Variants in LOXL2 observed in about 807,000 individuals in gnomAD.
The protein encoded by LOXL2 is lysyl oxidase homolog 2.
In LOXL2, 70 loss-of-function variants were observed where a neutral mutation model predicts 93.0. The ratio of observed to expected loss-of-function variants is 0.75; its 90% CI spans 0.62 to 0.92. LOXL2 has a LOEUF of 0.92. LOXL2 is among the 40% of genes least tolerant of loss of function. The pLI is 0.00. For synonymous variants in LOXL2, 438 were observed against 413.2 expected (o/e 1.06, Z -0.73); for missense variants, 973 against 1,054.9 (o/e 0.92, Z 1.08).
intron 3 of LOXL2, among the ~76,000 whole-genome samples, chr8:23,350,780 T>C (rs55884815): frequency 0.31 from 46,523 of 151,812 alleles, 9,315 homozygotes; most frequent in African/African-American, 0.57. Context: ...AAAAGCTTTG[T>C]AACACTGCTG....
chr8:23,311,891 GAGA>G (rs1476110646), intron 9 of LOXL2, among the ~76,000 whole-genome samples: 1 of 152,210 alleles, frequency 6.6e-6, no homozygotes, highest in Non-Finnish European at 1.5e-5. Context: ...GCTGCTTTGG[GAGA>G]AGTTGTGTTT....
At chr8:23,339,168 G>A (rs1803841374) in intron 4 of LOXL2, among the ~76,000 whole-genome samples, 1 of 152,142 alleles carries the variant, frequency 6.6e-6, no homozygotes, top group South Asian at 2.1e-4. Context: ...GAGTCCCAGA[G>A]ACGAACACAA....
intron 3 of LOXL2, among the ~76,000 whole-genome samples, chr8:23,344,529 T>G (rs1384631725): frequency 6.6e-6 from 1 of 152,058 alleles, no homozygotes; most frequent in Admixed American, 6.6e-5. Context: ...TGCATGTCCA[T>G]GTGTCATATG....
intron 2 of LOXL2, chr8:23,366,254 G>A (rs1206959854): frequency 6.6e-6 from 1 of 152,260 alleles, no homozygotes; most frequent in South Asian, 2.1e-4. Context: ...AGTATCGGAC[G>A]TTTGTTTAAA....
At chr8:23,378,468 C>T (rs1043901080) in intron 1 of LOXL2, among the ~76,000 whole-genome samples, 3 of 152,098 alleles carry the variant, frequency 2.0e-5, no homozygotes, top group Non-Finnish European at 2.9e-5. Flanking sequence ...CTGTATTTCC[C>T]GAATTTGAAC....
intron 1 of LOXL2, among the ~76,000 whole-genome samples, chr8:23,395,169 G>A (rs1234294512): frequency 2.6e-5 from 4 of 152,174 alleles, no homozygotes; most frequent in South Asian, 2.1e-4. Flanking sequence ...CAGGAGAATC[G>A]CTTGAACCTG....
intron 9 of LOXL2, among the ~76,000 whole-genome samples, chr8:23,311,100 T>G (rs968004554): frequency 1.8e-4 from 27 of 152,174 alleles, no homozygotes; most frequent in Non-Finnish European, 1.5e-5. Flanking sequence ...GCAGAGTCTG[T>G]GAGTTTTGCT....
chr8:23,377,511 A>G (rs9774252), intron 1 of LOXL2, among the ~76,000 whole-genome samples: 55,412 of 109,294 alleles, frequency 0.51, 16,326 homozygotes, highest in African/African-American at 0.69. Flanking sequence ...TTTCTGTCTC[A>G]CTGATCTGTC....
rs78622961 is a variant in LOXL2 at position 23,320,200 on chromosome 8, G to A, written c.1303-148C>T. The A allele has an allele frequency of 6.3e-3, 5,096 of 812,650 alleles. 137 individuals are homozygous for A. In the Admixed American group the frequency reaches 0.065, roughly 10 times the overall value. The allele number at this position is 812,650 out of a possible 1,614,324, so 50.3% of individuals were successfully genotyped here. ...TTCAGCAGCACCCTTGGGAGCCCCC[G>A]GTGGCAGCGCTGTGCCTAGCATGGT... On this transcript the variant is annotated intron_variant, in intron 7 of 13. Transcript: ENST00000389131.
intron 4 of LOXL2, among the ~76,000 whole-genome samples, chr8:23,340,210 T>C (rs1049884906): frequency 6.6e-6 from 1 of 152,198 alleles, no homozygotes; most frequent in African/African-American, 2.4e-5. Context: ...TATTTCCCAG[T>C]GGTGGTGCGA....
At chr8:23,317,487 C>T (rs899882381) in intron 8 of LOXL2, among the ~76,000 whole-genome samples, 3 of 152,166 alleles carry the variant, frequency 2.0e-5, no homozygotes, top group Non-Finnish European at 2.9e-5. Flanking sequence ...CCTCTAAGCC[C>T]GAATAGGATC....
At chr8:23,338,817 C>A (rs1357860483) in intron 4 of LOXL2, among the ~76,000 whole-genome samples, 1 of 152,210 alleles carries the variant, frequency 6.6e-6, no homozygotes, top group Non-Finnish European at 1.5e-5. Context: ...AACCCTCAGA[C>A]TGGCCAGAGC....
In LOXL2 at chr8:23,322,159, T is replaced by C; in HGVS notation, c.1273A>G (p.Asn425Asp). 1 of 1,614,178 alleles carries C rather than the reference T, an allele frequency of 6.2e-7. No individual in the cohort carries two copies. The highest frequency in any genetic ancestry group is 8.5e-7 in the Non-Finnish European group (1 of 1,180,020). ...NHEEDAGVRC[N>D]TPAMGLQKKL... ...TTCTGCAAGCCCATGGCAGGGGTGTTGCATCTCACACCAGCATCCTCCTCG... is the reference window on the plus strand; with the variant it reads ...TTCTGCAAGCCCATGGCAGGGGTGTCGCATCTCACACCAGCATCCTCCTCG... Residue 425 changes from asparagine (N) to aspartate (D), a missense_variant, in exon 7 of 14, where the codon AAC (asparagine) becomes GAC (aspartate). Physicochemically the swap from Asn to Asp is conservative, Grantham distance 23. Coordinates refer to ENST00000389131, the MANE Select transcript of LOXL2 (RefSeq NM_002318.3).
chr8:23,383,730 G>A (rs939789763), intron 1 of LOXL2, among the ~76,000 whole-genome samples: 2 of 139,182 alleles, frequency 1.4e-5, no homozygotes, highest in South Asian at 2.3e-4. Flanking sequence ...GCGCAATCTC[G>A]GCTCACTGCA....
intron 2 of LOXL2, chr8:23,364,729 C>G (rs959414561): frequency 1.3e-5 from 2 of 152,174 alleles, no homozygotes; most frequent in African/African-American, 4.8e-5. Flanking sequence ...GTAATCCCAG[C>G]TACTCGGGGG....
intron 7 of LOXL2, among the ~76,000 whole-genome samples, chr8:23,321,397 A>G (rs12542782): frequency 0.73 from 110,210 of 152,010 alleles, 40,103 homozygotes; most frequent in Non-Finnish European, 0.76. Flanking sequence ...AGAAGACTGG[A>G]GCGCACAGTG....
chr8:23,366,814 A>G (rs1804408721), intron 2 of LOXL2, among the ~76,000 whole-genome samples: 1 of 152,172 alleles, frequency 6.6e-6, no homozygotes, highest in Non-Finnish European at 1.5e-5. Context: ...TCCTGGAAAA[A>G]TGTTTAAAAA....
chr8:23,354,272 G>A lies in LOXL2; in HGVS notation c.531+5818C>T, dbSNP rs1804145535. Among the ~76,000 whole-genome samples the A allele has an allele frequency of 2.0e-5, 3 of 152,316 alleles. 1 individual carries two copies. In the South Asian group the frequency reaches 6.2e-4, roughly 32 times the overall value. On this transcript the variant is annotated intron_variant, in intron 3 of 13. Coordinates refer to ENST00000389131, the MANE Select transcript of LOXL2 (RefSeq NM_002318.3). Reference sequence around the variant, plus strand: ...GGGGTTAATGAGGGTGAATGTTACAGAACCCAGCCCACAACCTTGCAGACA... The same window carrying A: ...GGGGTTAATGAGGGTGAATGTTACAAAACCCAGCCCACAACCTTGCAGACA...
At chr8:23,346,800 T>C (rs1018677446) in intron 3 of LOXL2, among the ~76,000 whole-genome samples, 1 of 152,212 alleles carries the variant, frequency 6.6e-6, no homozygotes, top group African/African-American at 2.4e-5. Context: ...GAAGTCATAA[T>C]TTAATATCAG....
Sources: allele counts gnomAD v4.1 joint callset (sites outside exome capture counted in the v4.1 genomes callset), GRCh38; gene constraint gnomAD v4.1.1; transcripts MANE v1.5; gene names NCBI Gene and HGNC (gene_info 2026-07-23, HGNC 2026-07-21).